SMYD3: variants seen among roughly 807,000 people sequenced by gnomAD.
The protein encoded by SMYD3 is SET and MYND domain containing 3, also known as histone-lysine N-methyltransferase SMYD3.
In SMYD3, 36 loss-of-function variants were observed where a neutral mutation model predicts 57.7. That is an observed-to-expected ratio of 0.62 (90% CI 0.48 to 0.82). The LOEUF (loss-of-function observed/expected upper bound fraction) is 0.82, where lower values mean the gene tolerates loss of function less well. Ranked by LOEUF, SMYD3 falls within the 40% of genes least tolerant of loss-of-function variation. The pLI, the probability that SMYD3 is intolerant of heterozygous loss-of-function variation, is 0.00. For missense variants in SMYD3, 515 were observed against 538.8 expected (o/e 0.96, Z 0.44); for synonymous variants, 211 against 195.0 (o/e 1.08, Z -0.68).
At chr1:246,166,698 A>G (rs1267006768) in intron 5 of SMYD3, among the ~76,000 whole-genome samples, 1 of 152,244 alleles carries the variant, frequency 6.6e-6, no homozygotes, top group African/African-American at 2.4e-5. Context: ...TGGCCCAATA[A>G]CATGCAAATA....
chr1:246,206,975 C>CA (rs1459843783), intron 5 of SMYD3, among the ~76,000 whole-genome samples: 2 of 152,138 alleles, frequency 1.3e-5, no homozygotes, highest in Non-Finnish European at 2.9e-5. Flanking sequence ...ATGGCAGACT[C>CA]AGAAGCTTCT....
intron 5 of SMYD3, among the ~76,000 whole-genome samples, chr1:246,059,428 A>T (rs1210144534): frequency 6.6e-6 from 1 of 152,168 alleles, no homozygotes; most frequent in Non-Finnish European, 1.5e-5. Flanking sequence ...GTTCTGAAAA[A>T]CTGAACAGAG....
intron 5 of SMYD3, among the ~76,000 whole-genome samples, chr1:246,185,670 C>A (rs1326418004): frequency 6.6e-6 from 1 of 152,078 alleles, no homozygotes; most frequent in Non-Finnish European, 1.5e-5. Context: ...ACCATGTTAG[C>A]CAGGATGGTC....
chr1:245,965,948 G>T (rs183275907), intron 5 of SMYD3, among the ~76,000 whole-genome samples: 5 of 152,090 alleles, frequency 3.3e-5, no homozygotes, highest in African/African-American at 1.2e-4. Flanking sequence ...GGTTTGGGAT[G>T]TTTATGATGA....
At chr1:246,165,838 T>C (rs2062199617) in intron 5 of SMYD3, among the ~76,000 whole-genome samples, 2 of 152,128 alleles carry the variant, frequency 1.3e-5, no homozygotes, top group Admixed American at 1.3e-4. Context: ...TAAGAAAAAT[T>C]CACACATTTT....
chr1:246,363,093 G>C (rs564234287), intron 1 of SMYD3, among the ~76,000 whole-genome samples: 1 of 151,760 alleles, frequency 6.6e-6, no homozygotes, highest in Non-Finnish European at 1.5e-5. Flanking sequence ...GGGAGGTGAG[G>C]AGCGTCTCTG....
intron 5 of SMYD3, among the ~76,000 whole-genome samples, chr1:246,156,258 A>G (rs1347034934): frequency 2.0e-5 from 3 of 152,324 alleles, no homozygotes; most frequent in South Asian, 4.2e-4. Flanking sequence ...GAAATGGGCA[A>G]GAAAAAAGTG....
chr1:246,379,817 C>T (rs1430708604), intron 1 of SMYD3, among the ~76,000 whole-genome samples: 3 of 152,116 alleles, frequency 2.0e-5, no homozygotes, highest in South Asian at 2.1e-4. Flanking sequence ...CTGGACAACA[C>T]GGTGAAACCT....
At chr1:245,803,467 A>G (rs2047972427) in intron 10 of SMYD3, among the ~76,000 whole-genome samples, 1 of 152,026 alleles carries the variant, frequency 6.6e-6, no homozygotes, top group African/African-American at 2.4e-5. Flanking sequence ...GTGACTGTCA[A>G]CAGTTTCATA....
chr1:245,757,506 A>G (rs897907400), intron 11 of SMYD3, among the ~76,000 whole-genome samples: 1 of 152,226 alleles, frequency 6.6e-6, no homozygotes, highest in South Asian at 2.1e-4. Flanking sequence ...ACTATGCCCA[A>G]TGTCATGAGG....
chr1:246,028,619 T>C (rs1051182267), intron 5 of SMYD3, among the ~76,000 whole-genome samples: 10 of 152,092 alleles, frequency 6.6e-5, no homozygotes, highest in African/African-American at 2.2e-4. Flanking sequence ...TGCTTATAAA[T>C]TGGAAGAATT....
At chr1:245,793,177 C>T (rs553305983) in intron 10 of SMYD3, among the ~76,000 whole-genome samples, 15 of 150,354 alleles carry the variant, frequency 1.0e-4, no homozygotes, top group South Asian at 8.6e-4. Flanking sequence ...GGCATGGTGG[C>T]GGGTGCCTGT....
chr1:246,009,624 C>G (rs945796996), intron 5 of SMYD3, among the ~76,000 whole-genome samples: 2 of 151,960 alleles, frequency 1.3e-5, no homozygotes, highest in African/African-American at 4.8e-5. Context: ...TCATCTACTT[C>G]CAACACTGCA....
chr1:246,490,584 C>G (rs186051827), intron 1 of SMYD3, among the ~76,000 whole-genome samples: 17 of 152,304 alleles, frequency 1.1e-4, no homozygotes, highest in African/African-American at 3.8e-4. Context: ...ACCGACCAAT[C>G]GCTGAGGGCT....
chr1:245,834,962 T>C (rs962026902), intron 10 of SMYD3, among the ~76,000 whole-genome samples: 1 of 152,136 alleles, frequency 6.6e-6, no homozygotes, highest in Non-Finnish European at 1.5e-5. Context: ...CCTTTTCCAT[T>C]ATATGAGAAA....
intron 10 of SMYD3, among the ~76,000 whole-genome samples, chr1:245,793,183 C>CAA (rs2047369210): frequency 6.6e-6 from 1 of 150,912 alleles, no homozygotes; most frequent in Non-Finnish European, 1.5e-5. Flanking sequence ...GTGGCGGGTG[C>CAA]CTGTAGTCCC....
At chr1:246,194,654 C>T (rs2062802815) in intron 5 of SMYD3, among the ~76,000 whole-genome samples, 1 of 152,320 alleles carries the variant, frequency 6.6e-6, no homozygotes, top group East Asian at 1.9e-4. Context: ...AAGGTAGTCA[C>T]TAACCACATG....
chr1:245,787,674 T>G (rs529486472), intron 10 of SMYD3, among the ~76,000 whole-genome samples: 100 of 151,940 alleles, frequency 6.6e-4, no homozygotes, highest in Admixed American at 2.0e-3. Context: ...CAGGTGTTAA[T>G]GATTAATAAT....
chr1:246,129,434 G>C (rs973745015), intron 5 of SMYD3, among the ~76,000 whole-genome samples: 1 of 151,822 alleles, frequency 6.6e-6, no homozygotes, highest in African/African-American at 2.4e-5. Context: ...ATTAAGAATA[G>C]AGTAAAGCAT....
Sources: allele counts gnomAD v4.1 joint callset (sites outside exome capture counted in the v4.1 genomes callset), GRCh38; gene constraint gnomAD v4.1.1; transcripts MANE v1.5; gene names NCBI Gene and HGNC (gene_info 2026-07-23, HGNC 2026-07-21).